Variants in NRXN3 observed in about 807,000 individuals in gnomAD.
NRXN3 encodes the protein neurexin 3, also known as neurexin III.
A neutral mutation model predicts 137.6 loss-of-function variants in NRXN3; 32 were observed. The ratio of observed to expected loss-of-function variants is 0.23; its 90% CI spans 0.18 to 0.31. The LOEUF is 0.31. NRXN3 is among the 10% of genes least tolerant of loss of function. The pLI is 1.00. For synonymous variants in NRXN3, 798 were observed against 784.5 expected, an observed-to-expected ratio of 1.02 and a Z score of -0.29; for missense variants, 1,574 against 2,062.5, an observed-to-expected ratio of 0.76 and a Z score of 4.59.
At chr14:78,255,357 T>C (rs1258696452) in intron 2 of NRXN3, among the ~76,000 whole-genome samples, 2 of 152,220 alleles carry the variant, frequency 1.3e-5, no homozygotes, top group African/African-American at 2.4e-5. Context: ...GAAGTGGGCG[T>C]GACCACCTCA....
intron 19 of NRXN3, among the ~76,000 whole-genome samples, chr14:79,740,503 T>C (rs2098957303): frequency 6.6e-6 from 1 of 151,570 alleles, no homozygotes; most frequent in African/African-American, 2.4e-5. Flanking sequence ...ACTTGCCCTT[T>C]GTCTCAATGA....
intron 15 of NRXN3, among the ~76,000 whole-genome samples, chr14:79,382,312 A>T (rs2094493282): frequency 6.6e-6 from 1 of 152,180 alleles, no homozygotes. Flanking sequence ...GTACAAAGAT[A>T]CCTTGCAAGA....
At chr14:78,951,417 T>C (rs1464123868) in intron 10 of NRXN3, among the ~76,000 whole-genome samples, 1 of 152,038 alleles carries the variant, frequency 6.6e-6, no homozygotes, top group Admixed American at 6.6e-5. Flanking sequence ...TCTGATCATC[T>C]CATTTAGTAT....
chr14:78,648,041 A>G (rs76973279), intron 5 of NRXN3, among the ~76,000 whole-genome samples: 1,633 of 152,280 alleles, frequency 0.011, 25 homozygotes, highest in African/African-American at 0.036. Flanking sequence ...AAGTCTCCTC[A>G]TTTCTTCCTT....
chr14:79,638,242 G>A (rs1264094380), intron 16 of NRXN3, among the ~76,000 whole-genome samples: 1 of 152,110 alleles, frequency 6.6e-6, no homozygotes, highest in African/African-American at 2.4e-5. Flanking sequence ...CGAACCTAAT[G>A]CTCCTTTCCT....
chr14:78,709,301 G>A lies in NRXN3; in HGVS notation c.1306G>A (p.Val436Ile). 6.2e-7 allele frequency: 1 copy of A among 1,614,142 alleles called. No homozygotes were observed. The highest frequency in any genetic ancestry group is 8.5e-7 in the Non-Finnish European group (1 of 1,180,006). The change falls in exon 7 of 21, where the codon GTT becomes ATT. Residue 436 changes from valine (V) to isoleucine (I), a missense_variant. This residue lies in a region of NRXN3 where 718 missense variants were observed against 887.6 expected (regional missense o/e 0.81). Transcript: ENST00000335750. ...ADTKMKIYGE[V>I]VFKCENVATL... The stretch of plus-strand genomic sequence containing the variant: ...CACCAAGATGAAAATCTATGGCGAA[G>A]TTGTGTTTAAGTGTGAGAATGTGGC...
At chr14:79,712,568 A>C (rs2098808226) in intron 19 of NRXN3, among the ~76,000 whole-genome samples, 1 of 152,230 alleles carries the variant, frequency 6.6e-6, no homozygotes, top group Non-Finnish European at 1.5e-5. Context: ...CTCTGACAAA[A>C]CATTATACTG....
At chr14:78,227,836 G>GA (rs1315874948) in intron 1 of NRXN3, among the ~76,000 whole-genome samples, 5 of 152,204 alleles carry the variant, frequency 3.3e-5, no homozygotes, top group Non-Finnish European at 7.3e-5. Flanking sequence ...CCTTGGCCAG[G>GA]AAAACTGGGA....
At chr14:79,269,005 C>T (rs1456070086) in intron 15 of NRXN3, among the ~76,000 whole-genome samples, 1 of 151,870 alleles carries the variant, frequency 6.6e-6, no homozygotes, top group Non-Finnish European at 1.5e-5. Flanking sequence ...TTAACTCTCT[C>T]TCATGGTGGA....
chr14:79,138,981 A>T (rs1282793994), intron 15 of NRXN3, among the ~76,000 whole-genome samples: 2 of 152,188 alleles, frequency 1.3e-5, no homozygotes, highest in Non-Finnish European at 2.9e-5. Context: ...CCTCTATGTG[A>T]GGGGTAATTT....
chr14:79,402,435 A>T (rs931983451), intron 15 of NRXN3, among the ~76,000 whole-genome samples: 5 of 152,206 alleles, frequency 3.3e-5, no homozygotes, highest in Non-Finnish European at 5.9e-5. Context: ...AAATCACATA[A>T]TTGGGGACAA....
intron 1 of NRXN3, among the ~76,000 whole-genome samples, chr14:78,187,581 A>G (rs1328756850): frequency 6.6e-6 from 1 of 152,136 alleles, no homozygotes; most frequent in Non-Finnish European, 1.5e-5. Context: ...GTTCTGGTAT[A>G]TAGGAGCTGT....
chr14:78,975,033 T>A (rs1339604965), intron 14 of NRXN3, among the ~76,000 whole-genome samples: 1 of 152,200 alleles, frequency 6.6e-6, no homozygotes, highest in Non-Finnish European at 1.5e-5. Context: ...ATTTTTAACT[T>A]CTCCAGTGAA....
intron 15 of NRXN3, among the ~76,000 whole-genome samples, chr14:79,164,412 A>T (rs900013238): frequency 2.0e-5 from 3 of 152,008 alleles, no homozygotes; most frequent in African/African-American, 7.2e-5. Flanking sequence ...TCATTTGAAA[A>T]GTAAACATCT....
chr14:78,778,816 CTTT>C (rs1235935785), intron 8 of NRXN3, among the ~76,000 whole-genome samples: 8 of 85,326 alleles, frequency 9.4e-5, no homozygotes, highest in South Asian at 3.7e-4. Context: ...TTCTTTCTTT[CTTT>C]CTTTTCCTTC....
chr14:79,539,134 A>G (rs1005494493), intron 16 of NRXN3, among the ~76,000 whole-genome samples: 15 of 152,146 alleles, frequency 9.9e-5, no homozygotes, highest in African/African-American at 3.1e-4. Flanking sequence ...ATCTTGGCTC[A>G]CTGCAACCTC....
At chr14:79,003,387 C>T (rs1018653090) in intron 15 of NRXN3, among the ~76,000 whole-genome samples, 20 of 152,162 alleles carry the variant, frequency 1.3e-4, no homozygotes, top group Admixed American at 9.2e-4. Context: ...TAAATCTGCT[C>T]ATTTAAAGCC....
At chr14:78,487,107 T>G (rs538469830) in intron 4 of NRXN3, among the ~76,000 whole-genome samples, 65 of 152,220 alleles carry the variant, frequency 4.3e-4, no homozygotes, top group Non-Finnish European at 8.5e-4. Context: ...GTACCCAGTA[T>G]TGGCTGGCTT....
At chr14:78,216,106 T>A (rs2063253248) in intron 1 of NRXN3, among the ~76,000 whole-genome samples, 1 of 152,222 alleles carries the variant, frequency 6.6e-6, no homozygotes, top group South Asian at 2.1e-4. Context: ...TCCGTGTGTA[T>A]CTGTCTCCCT....
Sources: allele counts gnomAD v4.1 joint callset (sites outside exome capture counted in the v4.1 genomes callset), GRCh38; gene constraint gnomAD v4.1.1; regional missense constraint gnomAD v4.1.1; transcripts MANE v1.5; gene names NCBI Gene and HGNC (gene_info 2026-07-23, HGNC 2026-07-21).